PLEKHN1: variants seen among roughly 807,000 people sequenced by gnomAD.
PLEKHN1 encodes the protein pleckstrin homology domain-containing family N member 1.
PLEKHN1 carries 68 observed loss-of-function variants against 72.8 expected under a neutral mutation model. The observed-to-expected ratio is 0.93, with a 90% CI of 0.77 to 1.14. The LOEUF (loss-of-function observed/expected upper bound fraction) is 1.14. Among genes scored for constraint, PLEKHN1 ranks in the 50% most tolerant of loss-of-function variants. The pLI, the probability that PLEKHN1 is intolerant of heterozygous loss-of-function variation, is 0.00. For synonymous variants in PLEKHN1, 454 were observed against 371.6 expected (o/e 1.22, Z -2.55); for missense variants, 1,015 against 840.5 (o/e 1.21, Z -2.57).
In PLEKHN1 at chr1:970,621, G is replaced by A; in HGVS notation, c.411+20G>A. ...TTTCAGGTGAGGCGGTGGGCAATGG[G>A]GTGGGGCCATGGCCGCCCTTCCCTC... On this transcript the variant is annotated intron_variant, in intron 4 of 15. Coordinates refer to ENST00000379410, the MANE Select transcript of PLEKHN1 (RefSeq NM_032129.3). This position sits in a 1 kb window ranked among gnomAD's most constrained non-coding sequence, Gnocchi z 4.2. 6.2e-7 allele frequency: 1 copy of A among 1,610,250 alleles called. No homozygotes were observed. The highest frequency in any genetic ancestry group is 8.5e-7 in the Non-Finnish European group (1 of 1,178,224).
At chr1:967,851 T>TG (rs774719477) in intron 2 of PLEKHN1, among the ~76,000 whole-genome samples, 6 of 152,248 alleles carry the variant, frequency 3.9e-5, no homozygotes, top group African/African-American at 9.6e-5. Context: ...AGTGTGACCC[T>TG]GGGGGGTCCT....
rs193098401 is a variant in PLEKHN1, at chr1:974,048, G to C, written c.1650G>C (p.Gln550His). Residue 550 changes from glutamine (Q) to histidine (H), a missense_variant, in exon 14 of 16, where the codon CAG becomes CAC. By Grantham distance (24) the Gln-to-His change is conservative. Coordinates refer to ENST00000379410, the MANE Select transcript of PLEKHN1 (RefSeq NM_032129.3). The part of the protein sequence containing the change: ...DGGPQPPDAP[Q>H]LVSSAREGSP... ...GGCCGCAGCCCCCAGACGCCCCTCA[G>C]CTTGTGAGTAGCAGCCCCCACGCCC... is the stretch of plus-strand genomic sequence containing the variant. 43 of 1,581,266 alleles carry C rather than the reference G, an allele frequency of 2.7e-5. No homozygotes were observed. Among genetic ancestry groups the C allele is most frequent in the Admixed American group, 1.1e-4 (6 of 56,082 alleles).
In PLEKHN1 at chr1:966,782, C is replaced by A; in HGVS notation, c.162C>A (p.Leu54=). Residue 54 remains leucine (L), a synonymous_variant, in exon 2 of 16, where the codon CTC becomes CTA. Coordinates refer to ENST00000379410, the MANE Select transcript of PLEKHN1 (RefSeq NM_032129.3). ...ARSGDAAANK[L]FHYIPGTDIL... is the part of the protein sequence containing the mutation. Reference sequence around the variant, plus strand: ...GCGGGGACGCCGCCGCCAACAAGCTCTTCCACTACATCCCGGGCACGGTGA... The same window carrying A: ...GCGGGGACGCCGCCGCCAACAAGCTATTCCACTACATCCCGGGCACGGTGA... 1 of 1,568,956 alleles carries A rather than the reference C, an allele frequency of 6.4e-7. No homozygotes were observed. The highest frequency in any genetic ancestry group is 2.4e-5 in the East Asian group (1 of 42,084).
chr1:970,008 T>C lies in PLEKHN1; in HGVS notation c.184-269T>C, dbSNP rs1329830331. On this transcript the variant is annotated intron_variant, in intron 2 of 15. Transcript: ENST00000379410. This position sits in a 1 kb window ranked among gnomAD's most constrained non-coding sequence, Gnocchi z 4.2. ...GTTCTTCACGTATGTGTTGTGTGGC[T>C]GTGCACAGGTTCTGTGCCTGTGGGG... 1.3e-5 allele frequency among the ~76,000 whole-genome samples: 2 copies of C among 151,912 alleles called. No homozygotes were observed. The highest frequency in any genetic ancestry group is 1.9e-4 in the East Asian group (1 of 5,154).
chr1:968,080 G>A (rs1286278598), intron 2 of PLEKHN1, among the ~76,000 whole-genome samples: 2 of 152,360 alleles, frequency 1.3e-5, no homozygotes, highest in Middle Eastern at 3.4e-3. Flanking sequence ...CCCCGAGGCT[G>A]AGCTGCGCTG....
At chr1:971,625 T>TG in intron 8 of PLEKHN1, 1 of 604,594 alleles carries the variant, frequency 1.7e-6, no homozygotes, top group African/African-American at 1.8e-5. Context: ...ACCGTCACCC[T>TG]GGGGCGGGCA....
At chr1:968,764 T>G (rs748088764) in intron 2 of PLEKHN1, among the ~76,000 whole-genome samples, 2 of 152,146 alleles carry the variant, frequency 1.3e-5, no homozygotes, top group Non-Finnish European at 2.9e-5. Context: ...TGAGCAAAGC[T>G]GCAAAGCGGG....
At chr1:969,728 GTGTC>G (rs1428983275) in intron 2 of PLEKHN1, among the ~76,000 whole-genome samples, 20 of 150,664 alleles carry the variant, frequency 1.3e-4, no homozygotes, top group African/African-American at 4.1e-4. Flanking sequence ...GTATGCATCT[GTGTC>G]TGTATTGTGT....
intron 2 of PLEKHN1, among the ~76,000 whole-genome samples, 200 bp downstream of exon 2, chr1:967,003 A>G (rs1643030028): frequency 6.6e-6 from 1 of 152,202 alleles, no homozygotes; most frequent in South Asian, 2.1e-4. Context: ...ACCGCGACGC[A>G]GGACTGAGTC....
intron 12 of PLEKHN1, 21 bp from the exon 13 acceptor site, chr1:973,479 T>TA: frequency 6.2e-7 from 1 of 1,610,468 alleles, no homozygotes; most frequent in Non-Finnish European, 8.5e-7. Flanking sequence ...GAAGCCCATT[T>TA]CTCCCACCTC....
In PLEKHN1 at chr1:966,821, G is replaced by A. The variant is rs1043973685; in HGVS notation, c.183+18G>A. 3 of 1,543,552 alleles carry A rather than the reference G, an allele frequency of 1.9e-6. No homozygotes were observed. Among genetic ancestry groups the A allele is most frequent in the South Asian group, 1.2e-5 (1 of 83,606 alleles). On this transcript the variant is annotated intron_variant, in intron 2 of 15. Coordinates refer to ENST00000379410, the MANE Select transcript of PLEKHN1 (RefSeq NM_032129.3). ...CGGGCACGGTGAGCGCGGCGTGCAC[G>A]GTGGCTGTGGTCTGGGAGCGTGGCT...
At position 974,908 on chromosome 1, in the gene PLEKHN1, G is replaced by A. The variant is rs759522236; in HGVS notation, c.*333G>A. 5 of 361,010 alleles carry A rather than the reference G, an allele frequency of 1.4e-5. No homozygotes were observed. The highest frequency in any genetic ancestry group is 1.0e-4 in the African/African-American group (5 of 48,808). 22.4% of individuals were successfully genotyped at this position (361,010 alleles called of 1,614,324 possible). ...CGCTGGGAGTGGGAGGGCAGCACGG[G>A]CGTGAAGGTCGGAGGACAGAGAAAG... On this transcript the variant is annotated 3_prime_UTR_variant, in exon 16 of 16. Transcript: ENST00000379410.
chr1:973,269 C>G lies in PLEKHN1; in HGVS notation c.1236C>G (p.Ser412Arg). 12 of 1,544,566 alleles carry G rather than the reference C, an allele frequency of 7.8e-6. No individual in the cohort carries two copies. Among genetic ancestry groups the G allele is most frequent in the Non-Finnish European group, 1.1e-5 (12 of 1,142,376 alleles). Residue 412 changes from serine (S) to arginine (R), a missense_variant, in exon 12 of 16, where the codon AGC (serine) becomes AGG (arginine). Coordinates refer to ENST00000379410, the MANE Select transcript of PLEKHN1 (RefSeq NM_032129.3). Reference protein sequence around the residue: ...RRSGSSRSPGSKARAEGRGPV... With the variant: ...RRSGSSRSPGRKARAEGRGPV... ...GTGGCAGCAGCCGGTCACCCGGGAG[C>G]AAGGCCCGGGCAGAGGGCCGCGGCC...
chr1:973,814 G>A lies in PLEKHN1; in HGVS notation c.1435-19G>A. ...GCCCCTGGCTGCCACCCAGGCCCCA[G>A]CCCTGGCTCTCCCTGCAGTTCCTCA... is the stretch of plus-strand genomic sequence containing the variant. On this transcript the variant is annotated intron_variant, in intron 13 of 15. Coordinates refer to ENST00000379410, the MANE Select transcript of PLEKHN1 (RefSeq NM_032129.3). The A allele has an allele frequency of 6.2e-7, 1 of 1,604,272 alleles. No individual in the cohort carries two copies. Among genetic ancestry groups the A allele is most frequent in the Non-Finnish European group, 8.5e-7 (1 of 1,176,622 alleles).
chr1:971,276 A>G (rs762267976), intron 7 of PLEKHN1, 48 bp from the exon 8 acceptor site: 14 of 1,554,928 alleles, frequency 9.0e-6, no homozygotes, highest in Admixed American at 3.8e-5. Flanking sequence ...GGGCGGTGCA[A>G]CAGCAGCTCA....
intron 2 of PLEKHN1, among the ~76,000 whole-genome samples, chr1:967,283 C>T (rs544483082): frequency 6.6e-6 from 1 of 152,312 alleles, no homozygotes; most frequent in South Asian, 2.1e-4. Flanking sequence ...CGGCCTCCTC[C>T]CAGCTTGCCA....
intron 6 of PLEKHN1, 25 bp from the exon 7 acceptor site, chr1:971,088 A>T (rs1433543201): frequency 6.3e-7 from 1 of 1,583,904 alleles, no homozygotes; most frequent in African/African-American, 1.3e-5. Flanking sequence ...GGTCCTGCGG[A>T]GACGAACTCC....
In PLEKHN1 at chr1:966,758, C is replaced by G. The variant is rs1001804580; in HGVS notation, c.138C>G (p.Ser46Arg). 6.4e-7 allele frequency: 1 copy of G among 1,573,308 alleles called. No homozygotes were observed. Residue 46 changes from serine (S) to arginine (R), a missense_variant, in exon 2 of 16, where the codon AGC becomes AGG. Ser to Arg is a moderately radical substitution (Grantham distance 110). Coordinates refer to ENST00000379410, the MANE Select transcript of PLEKHN1 (RefSeq NM_032129.3). ...AGLPGPEAAR[S>R]GDAAANKLFH... The stretch of plus-strand genomic sequence containing the variant: ...TGCCGGGCCCCGAGGCTGCTCGAAG[C>G]GGGGACGCCGCCGCCAACAAGCTCT...
chr1:974,892 T>A lies in PLEKHN1; in HGVS notation c.*317T>A. On this transcript the variant is annotated 3_prime_UTR_variant, in exon 16 of 16. Transcript: ENST00000379410. ...AGTCAGGGAGGAGACTCGCTGGGAG[T>A]GGGAGGGCAGCACGGGCGTGAAGGT... The A allele has an allele frequency of 2.6e-6, 1 of 385,256 alleles. No individual in the cohort carries two copies. Among genetic ancestry groups the A allele is most frequent in the South Asian group, 3.5e-5 (1 of 28,484 alleles). The allele number at this position is 385,256 out of a possible 1,614,324, so 23.9% of individuals were successfully genotyped here.
Sources: gnomAD v4.1 joint callset for allele counts (sites outside exome capture counted in the v4.1 genomes callset) on GRCh38, gnomAD v4.1.1 for gene constraint, Gnocchi (gnomAD v3.1) non-coding constraint, MANE v1.5 for transcripts, NCBI Gene and HGNC (gene_info 2026-07-23, HGNC 2026-07-21) for gene names.